The following GRXCR1 variants were observed in gnomAD, a reference collection of about 807,000 sequenced individuals.
GRXCR1 encodes glutaredoxin and cysteine rich domain containing 1.
Under a neutral mutation model 27.3 loss-of-function variants are expected in GRXCR1, and 27 were observed. The ratio of observed to expected loss-of-function variants is 0.99; its 90% CI spans 0.73 to 1.37. GRXCR1 has a LOEUF of 1.37. Ranked by LOEUF, GRXCR1 falls within the 40% of genes most tolerant of loss-of-function variation. The probability of loss-of-function intolerance (pLI) is 0.00; values close to 1 mark genes in which losing one functional copy is unlikely to be tolerated. For synonymous variants in GRXCR1, 122 were observed against 131.1 expected (o/e 0.93, Z 0.47); for missense variants, 379 against 354.4 (o/e 1.07, Z -0.56).
chr4:42,992,480 G>A (rs775699872), intron 2 of GRXCR1, among the ~76,000 whole-genome samples: 8 of 151,928 alleles, frequency 5.3e-5, no homozygotes, highest in Non-Finnish European at 1.2e-4. Context: ...TTTCTGCCTC[G>A]AAGATTGCCA....
At chr4:42,996,176 T>TGA (rs1257340960) in intron 2 of GRXCR1, among the ~76,000 whole-genome samples, 1 of 152,224 alleles carries the variant, frequency 6.6e-6, no homozygotes, top group African/African-American at 2.4e-5. Flanking sequence ...AAAATTATTA[T>TGA]GGAAGTGAAG....
intron 2 of GRXCR1, among the ~76,000 whole-genome samples, chr4:42,981,815 CTGTA>C (rs1319352545): frequency 4.6e-5 from 7 of 152,122 alleles, no homozygotes; most frequent in African/African-American, 1.7e-4. Context: ...GTTGGAACTT[CTGTA>C]TGTGTTATTT....
At chr4:42,988,317 G>A (rs1190076722) in intron 2 of GRXCR1, among the ~76,000 whole-genome samples, 1 of 152,146 alleles carries the variant, frequency 6.6e-6, no homozygotes, top group African/African-American at 2.4e-5. Context: ...CACTGATGCA[G>A]AGTGACACCA....
intron 1 of GRXCR1, among the ~76,000 whole-genome samples, chr4:42,917,274 A>G (rs561441510): frequency 1.3e-5 from 2 of 152,260 alleles, no homozygotes; most frequent in South Asian, 4.1e-4. Context: ...AGAGAAAAAA[A>G]GTATCCCATC....
intron 1 of GRXCR1, among the ~76,000 whole-genome samples, chr4:42,921,158 C>G (rs1460645598): frequency 6.6e-6 from 1 of 151,988 alleles, no homozygotes; most frequent in Non-Finnish European, 1.5e-5. Context: ...GATTTGTTCT[C>G]TTATAATATA....
At chr4:42,987,432 G>A (rs1219235016) in intron 2 of GRXCR1, among the ~76,000 whole-genome samples, 9 of 151,102 alleles carry the variant, frequency 6.0e-5, no homozygotes, top group Admixed American at 6.0e-4. Context: ...ACAAAAGTGT[G>A]CATTACCATG....
At chr4:43,004,546 C>G (rs542140715) in intron 2 of GRXCR1, among the ~76,000 whole-genome samples, 2 of 152,184 alleles carry the variant, frequency 1.3e-5, no homozygotes, top group Non-Finnish European at 2.9e-5. Flanking sequence ...TGGGGGGTAA[C>G]CCTGCAGAGT....
chr4:43,025,198 T>G lies in GRXCR1; in HGVS notation c.693+4779T>G, dbSNP rs919486645. Among the ~76,000 whole-genome samples, 4 of 152,202 alleles carry G rather than the reference T, an allele frequency of 2.6e-5. No homozygotes were observed. In the East Asian group the frequency reaches 7.7e-4, roughly 29 times the overall value. ...AAACTCTGCCATTATCTTTGTCGTTTGTCGTTTTTGTCCTTTGTTAGAGAC... is the reference window on the plus strand; with the variant it reads ...AAACTCTGCCATTATCTTTGTCGTTGGTCGTTTTTGTCCTTTGTTAGAGAC... On this transcript the variant is annotated intron_variant, in intron 3 of 3. Transcript: ENST00000399770.
intron 3 of GRXCR1, among the ~76,000 whole-genome samples, chr4:43,028,858 C>G (rs1180061980): frequency 1.3e-5 from 2 of 152,068 alleles, no homozygotes; most frequent in South Asian, 2.1e-4. Context: ...TTTGGAAGAG[C>G]TTTAAATCTC....
At chr4:43,004,008 C>T (rs1302464259) in intron 2 of GRXCR1, among the ~76,000 whole-genome samples, 5 of 152,352 alleles carry the variant, frequency 3.3e-5, no homozygotes, top group African/African-American at 1.2e-4. Context: ...CTGACTGCCC[C>T]TCATAACATA....
At chr4:42,948,908 G>A (rs1747808225) in intron 1 of GRXCR1, among the ~76,000 whole-genome samples, 1 of 152,108 alleles carries the variant, frequency 6.6e-6, no homozygotes, top group Non-Finnish European at 1.5e-5. Context: ...TGAGTCTGCT[G>A]ACACCTTGAT....
At chr4:42,995,327 A>G (rs1190624203) in intron 2 of GRXCR1, among the ~76,000 whole-genome samples, 1 of 152,196 alleles carries the variant, frequency 6.6e-6, no homozygotes, top group Admixed American at 6.5e-5. Flanking sequence ...CCTGCTTTGG[A>G]AAATTTGCCA....
rs545483459 is a variant in GRXCR1, at chr4:42,935,404, C to G, written c.385-27488C>G. Among the ~76,000 whole-genome samples, 3 of 151,636 alleles carry G rather than the reference C, an allele frequency of 2.0e-5. No homozygotes were observed. The South Asian group carries it at 6.3e-4, about 32-fold the overall frequency. On this transcript the variant is annotated intron_variant, in intron 1 of 3. Transcript: ENST00000399770. ...TAAGTGGTAAAGTTAGTATTACAGA[C>G]AGAAGTATAGGAAGGAAGAGGGGAA...
chr4:42,897,728 A>G (rs1272757225), intron 1 of GRXCR1, among the ~76,000 whole-genome samples: 2 of 152,046 alleles, frequency 1.3e-5, no homozygotes, highest in African/African-American at 4.8e-5. Flanking sequence ...GAGAGGTATG[A>G]GCTGTGTGGT....
chr4:42,968,709 T>C (rs1748307706), intron 2 of GRXCR1, among the ~76,000 whole-genome samples: 1 of 151,924 alleles, frequency 6.6e-6, no homozygotes, highest in Non-Finnish European at 1.5e-5. Flanking sequence ...CATTCAGAAA[T>C]GGAATAAAAA....
At chr4:42,995,565 T>G (rs938065016) in intron 2 of GRXCR1, among the ~76,000 whole-genome samples, 13 of 152,134 alleles carry the variant, frequency 8.5e-5, no homozygotes, top group African/African-American at 2.9e-4. Flanking sequence ...CTGCAGGAGA[T>G]TATACCTACA....
At chr4:42,937,978 C>G (rs985408013) in intron 1 of GRXCR1, among the ~76,000 whole-genome samples, 4 of 151,958 alleles carry the variant, frequency 2.6e-5, no homozygotes, top group African/African-American at 9.7e-5. Context: ...TTATTGCTGA[C>G]TGCAGTCACC....
At chr4:42,977,000 C>G (rs1221705152) in intron 2 of GRXCR1, among the ~76,000 whole-genome samples, 5 of 152,126 alleles carry the variant, frequency 3.3e-5, no homozygotes, top group African/African-American at 1.2e-4. Context: ...CTGGTAACCA[C>G]CATTCTACTC....
At chr4:42,914,985 C>G (rs1056102058) in intron 1 of GRXCR1, among the ~76,000 whole-genome samples, 1 of 152,110 alleles carries the variant, frequency 6.6e-6, no homozygotes, top group Non-Finnish European at 1.5e-5. Context: ...TTTCCTGAGG[C>G]CTTGTAAGTT....
Sources: allele counts gnomAD v4.1 joint callset (sites outside exome capture counted in the v4.1 genomes callset), GRCh38; gene constraint gnomAD v4.1.1; transcripts MANE v1.5; gene names NCBI Gene and HGNC (gene_info 2026-07-23, HGNC 2026-07-21).